PTRH1: variants seen among roughly 807,000 people sequenced by gnomAD.
PTRH1 encodes peptidyl-tRNA hydrolase 1 homolog.
Under a neutral mutation model 15.7 loss-of-function variants are expected in PTRH1, and 13 were observed. The observed-to-expected ratio is 0.83, with a 90% CI of 0.54 to 1.31. The LOEUF (loss-of-function observed/expected upper bound fraction) is 1.31. Ranked by LOEUF, PTRH1 falls within the 40% of genes most tolerant of loss-of-function variation. The probability of loss-of-function intolerance (pLI) is 0.00; values close to 1 mark genes in which losing one functional copy is unlikely to be tolerated. For missense variants in PTRH1, 319 were observed against 296.2 expected, an observed-to-expected ratio of 1.08 and a Z score of -0.56; for synonymous variants, 139 against 136.7, an observed-to-expected ratio of 1.02 and a Z score of -0.12.
downstream of PTRH1, chr9:127,709,648 T>A: frequency 6.2e-7 from 1 of 1,613,432 alleles, no homozygotes; most frequent in Non-Finnish European, 8.5e-7. The surrounding 1 kb of genome is among the most constrained non-coding windows in gnomAD (Gnocchi z 4.7). Context: ...GCGCCACGAG[T>A]TCCAGGAGAC....
intron 1 of PTRH1, chr9:127,695,270 G>A: frequency 1.7e-6 from 1 of 596,732 alleles, no homozygotes; most frequent in Non-Finnish European, 3.0e-6. Context: ...ACACACAGTT[G>A]CATATGTCAA....
At chr9:127,709,775 G>A, downstream of PTRH1, 1 of 1,444,334 alleles carries the variant, frequency 6.9e-7, no homozygotes, top group Non-Finnish European at 9.4e-7. This position sits in a 1 kb window ranked among gnomAD's most constrained non-coding sequence, Gnocchi z 4.7. Context: ...GGGAAACAGG[G>A]ATAATAGCCA....
rs1373413886 is a variant in PTRH1 at position 127,715,243 on chromosome 9, C to T, written c.97-49G>A. 2 of 1,507,628 alleles carry T rather than the reference C, an allele frequency of 1.3e-6. No homozygotes were observed. Among genetic ancestry groups the T allele is most frequent in the Non-Finnish European group, 1.8e-6 (2 of 1,121,664 alleles). 93.4% of individuals were successfully genotyped at this position (1,507,628 alleles called of 1,614,324 possible). On this transcript the variant is annotated intron_variant, in intron 1 of 4. Coordinates refer to ENST00000543175, the MANE Select transcript of PTRH1 (RefSeq NM_001002913.3). The surrounding 1 kb of genome is among the most constrained non-coding windows in gnomAD (Gnocchi z 5.8). Reference sequence around the variant, plus strand: ...GAGGCCCAACAACTCTCGCCACCCCCGATCTCACAGCGTCCCGTGGGCCCC... The same window carrying T: ...GAGGCCCAACAACTCTCGCCACCCCTGATCTCACAGCGTCCCGTGGGCCCC...
downstream of PTRH1, chr9:127,709,518 C>T (rs1165446407): frequency 2.5e-6 from 4 of 1,614,010 alleles, no homozygotes; most frequent in Non-Finnish European, 3.4e-6. This position sits in a 1 kb window ranked among gnomAD's most constrained non-coding sequence, Gnocchi z 4.7. Context: ...TTGTGGCCTT[C>T]CTCAAGCGCA....
intron 4 of PTRH1, 30 bp from the exon 5 acceptor site, chr9:127,714,312 C>T: frequency 6.2e-7 from 1 of 1,614,068 alleles, no homozygotes; most frequent in South Asian, 1.1e-5. Flanking sequence ...GCCCAGGAAG[C>T]TTTGGCGAGG....
Position 127,714,286 on chromosome 9 carries a change from T to C in PTRH1, c.463-4A>G. The C allele has an allele frequency of 6.2e-7, 1 of 1,613,964 alleles. No homozygotes were observed. The highest frequency in any genetic ancestry group is 1.1e-5 in the South Asian group (1 of 91,078). ...CCACCCGCAGCCTTGGCATTGCCTG[T>C]GGGAGAGCCAGAGAGGCCCAGGAAG... On this transcript the variant is annotated splice_region_variant and splice_polypyrimidine_tract_variant and intron_variant, in intron 4 of 4. Transcript: ENST00000543175.
chr9:127,697,646 G>A (rs1190533883), intron 1 of PTRH1, among the ~76,000 whole-genome samples: 1 of 152,206 alleles, frequency 6.6e-6, no homozygotes. Context: ...GGGTGACAGA[G>A]CAAGACTCTG....
downstream of PTRH1, among the ~76,000 whole-genome samples, chr9:127,709,850 C>A (rs899932460): frequency 1.3e-5 from 2 of 152,162 alleles, no homozygotes; most frequent in Non-Finnish European, 2.9e-5. This position sits in a 1 kb window ranked among gnomAD's most constrained non-coding sequence, Gnocchi z 4.7. Context: ...TGGAAACATC[C>A]CCCAACCAGT....
At chr9:127,713,291 GGC>G, downstream of PTRH1, 15 of 1,049,252 alleles carry the variant, frequency 1.4e-5, no homozygotes, top group Non-Finnish European at 2.0e-5. Flanking sequence ...ACAGCTGTGT[GGC>G]CCTGGGGATG....
chr9:127,694,791 T>C, intron 2 of PTRH1: 3 of 588,186 alleles, frequency 5.1e-6, no homozygotes, highest in East Asian at 2.8e-5. Context: ...TTTGGGTTGT[T>C]TGGAATTCCC....
chr9:127,709,385 G>A (rs772562824), downstream of PTRH1: 11 of 1,600,240 alleles, frequency 6.9e-6, no homozygotes, highest in South Asian at 1.2e-4. This position sits in a 1 kb window ranked among gnomAD's most constrained non-coding sequence, Gnocchi z 4.7. Flanking sequence ...GGCTTGCCCA[G>A]CCTGACCCCT....
intron 1 of PTRH1, among the ~76,000 whole-genome samples, chr9:127,702,868 C>CGGT (rs1458287495): frequency 1.3e-5 from 2 of 150,892 alleles, no homozygotes; most frequent in Non-Finnish European, 2.9e-5. Context: ...TGTGCCACCA[C>CGGT]GCCTGGCTAA....
At chr9:127,710,299 A>C (rs969573364), downstream of PTRH1, among the ~76,000 whole-genome samples, 30 of 151,632 alleles carry the variant, frequency 2.0e-4, no homozygotes, top group Non-Finnish European at 3.2e-4. Flanking sequence ...AAAAAAAAAA[A>C]CAAAACAGTT....
rs762418487 is a variant in PTRH1, at chr9:127,714,222, G to A, written c.523C>T (p.His175Tyr). 1.2e-6 allele frequency: 2 copies of A among 1,613,972 alleles called. No homozygotes were observed. Among genetic ancestry groups the A allele is most frequent in the African/African-American group, 2.7e-5 (2 of 75,074 alleles). ...RPAHPEAVQA[H>Y]VLGCFSPAEQ... ...GCAGGGGAGAAGCAGCCCAGCACAT[G>A]GGCCTGAACCGCCTCAGGGTGCGCC... Residue 175 changes from histidine (H) to tyrosine (Y), a missense_variant, in exon 5 of 5, where the codon CAT (histidine) becomes TAT (tyrosine). Physicochemically the swap from His to Tyr is moderately conservative, Grantham distance 83. Coordinates refer to ENST00000543175, the MANE Select transcript of PTRH1 (RefSeq NM_001002913.3).
chr9:127,713,179 G>C (rs1842808622), downstream of PTRH1: 1 of 1,569,724 alleles, frequency 6.4e-7, no homozygotes, highest in Admixed American at 1.9e-5. Flanking sequence ...CCCGTGTGGG[G>C]ACCTTCCGGG....
intron 1 of PTRH1, among the ~76,000 whole-genome samples, chr9:127,699,045 C>A (rs1435679356): frequency 6.6e-6 from 1 of 151,828 alleles, no homozygotes; most frequent in Non-Finnish European, 1.5e-5. Flanking sequence ...GGACTACAGG[C>A]TAATTTTTGT....
downstream of PTRH1, chr9:127,713,322 C>A (rs1250442837): frequency 6.3e-6 from 5 of 795,792 alleles, no homozygotes; most frequent in African/African-American, 7.0e-5. Context: ...TCTCTCTGAG[C>A]CTTCCCATCT....
At position 127,708,346 on chromosome 9, in the gene PTRH1, G is replaced by A. The variant is rs191607075; in HGVS notation, c.205+7089C>T. ...ACAAAAATTAGCTGGGCATGGTGGC[G>A]GGCGCCTGTAATCCCAGCTACTCAG... On this transcript the variant is annotated intron_variant, in intron 1 of 2. Transcript: ENST00000335223. Among the ~76,000 whole-genome samples, 8 of 152,094 alleles carry A rather than the reference G, an allele frequency of 5.3e-5. No homozygotes were observed. The East Asian group carries it at 7.7e-4, about 15-fold the overall frequency.
At chr9:127,710,690 CAGG>C (rs1842745563), downstream of PTRH1, 1 of 1,577,316 alleles carries the variant, frequency 6.3e-7, no homozygotes. Context: ...GGTGCGGAAG[CAGG>C]AGAATGAGTT....
Sources: allele counts gnomAD v4.1 joint callset (sites outside exome capture counted in the v4.1 genomes callset), GRCh38; gene constraint gnomAD v4.1.1; non-coding constraint Gnocchi (gnomAD v3.1); transcripts MANE v1.5; gene names NCBI Gene and HGNC (gene_info 2026-07-23, HGNC 2026-07-21).